EML2: variants seen among roughly 807,000 people sequenced by gnomAD.
EML2 encodes echinoderm microtubule-associated protein-like 2.
A neutral mutation model predicts 84.7 loss-of-function variants in EML2; 59 were observed. The ratio of observed to expected loss-of-function variants is 0.70; its 90% CI spans 0.56 to 0.86. EML2 has a LOEUF of 0.86. Among genes scored for constraint, EML2 ranks in the 40% least tolerant of loss-of-function variants. EML2 has a pLI of 0.00. For missense variants in EML2, 818 were observed against 855.6 expected, an observed-to-expected ratio of 0.96 and a Z score of 0.55; for synonymous variants, 352 against 348.9, an observed-to-expected ratio of 1.01 and a Z score of -0.10.
rs1483263409 is a variant in EML2, at chr19:45,621,260, G to A, written c.1069C>T (p.Arg357Cys). ...ACGGAGCCCTGCAGGATGGAATTGCGGGTGGTCCCCACGTACAGTGTGTCT... is the reference window on the plus strand; with the variant it reads ...ACGGAGCCCTGCAGGATGGAATTGCAGGTGGTCCCCACGTACAGTGTGTCT... The part of the protein sequence containing the change: ...HGDTLYVGTT[R>C]NSILQGSVHT... The change falls in exon 11 of 19, where the codon CGC becomes TGC. Residue 357 changes from arginine (R) to cysteine (C), a missense_variant. Coordinates refer to ENST00000245925, the MANE Select transcript of EML2 (RefSeq NM_012155.4). 12 of 1,613,890 alleles carry A rather than the reference G, an allele frequency of 7.4e-6. No homozygotes were observed. Among genetic ancestry groups the A allele is most frequent in the Non-Finnish European group, 5.9e-6 (7 of 1,179,998 alleles).
intron 9 of EML2, among the ~76,000 whole-genome samples, chr19:45,622,162 C>T (rs918455337): frequency 1.3e-5 from 2 of 152,162 alleles, no homozygotes; most frequent in Non-Finnish European, 2.9e-5. Flanking sequence ...CTAACATCTA[C>T]CCATCCACCC....
chr19:45,626,360 A>G (rs920506650), intron 8 of EML2, among the ~76,000 whole-genome samples: 12 of 135,324 alleles, frequency 8.9e-5, no homozygotes, highest in Non-Finnish European at 1.2e-4. Flanking sequence ...TGTACTCTTC[A>G]TCCCTTTGAA....
intron 3 of EML2, among the ~76,000 whole-genome samples, chr19:45,638,139 C>T (rs888858890): frequency 6.6e-6 from 1 of 152,200 alleles, no homozygotes; most frequent in African/African-American, 2.4e-5. Context: ...AGTACCTTTA[C>T]ACATTATTTC....
upstream of EML2, chr19:45,643,733 C>T: frequency 6.5e-7 from 1 of 1,526,946 alleles, no homozygotes; most frequent in Non-Finnish European, 8.8e-7. Flanking sequence ...GCAGTGCAGC[C>T]GCCGCTCCTC....
At chr19:45,639,176 G>A in intron 1 of EML2, 181 bp downstream of exon 1, 1 of 714,044 alleles carries the variant, frequency 1.4e-6, no homozygotes, top group Non-Finnish European at 2.2e-6. Flanking sequence ...GTGCTCCCCA[G>A]CGCCCCCCAC....
upstream of EML2, chr19:45,641,873 C>G (rs1018230486): frequency 6.8e-7 from 1 of 1,468,562 alleles, no homozygotes; most frequent in East Asian, 2.5e-5. Context: ...CTCTGTCTCC[C>G]ACGAGGTCTT....
At chr19:45,616,735 C>A in intron 14 of EML2, 30 bp downstream of exon 14, 1 of 1,598,574 alleles carries the variant, frequency 6.3e-7, no homozygotes, top group Admixed American at 1.7e-5. Context: ...CCTGGCCCTG[C>A]CGCTTGGGTG....
At chr19:45,620,870 C>A in intron 11 of EML2, 1 of 413,080 alleles carries the variant, frequency 2.4e-6, no homozygotes, top group South Asian at 1.9e-5. Flanking sequence ...GGACCTTCCC[C>A]AATCCGTGGA....
upstream of EML2, chr19:45,643,471 C>T: frequency 2.1e-6 from 3 of 1,447,968 alleles, no homozygotes; most frequent in East Asian, 5.0e-5. Flanking sequence ...ATGGGTGCAG[C>T]CAAAATGACT....
At chr19:45,634,537 A>G (rs1198005030) in intron 3 of EML2, 66 bp from the exon 4 acceptor site, 1 of 1,144,158 alleles carries the variant, frequency 8.7e-7, no homozygotes, top group South Asian at 3.4e-5. Context: ...TTTTGTTTTT[A>G]TTTATTTATT....
intron 7 of EML2, 108 bp from the exon 8 acceptor site, chr19:45,626,947 C>G: frequency 1.1e-6 from 1 of 951,662 alleles, no homozygotes; most frequent in Non-Finnish European, 1.4e-6. Context: ...GTATGCTGCA[C>G]ACCTGAACTT....
chr19:45,643,532 GA>G (rs1419672249), upstream of EML2: 10 of 1,535,318 alleles, frequency 6.5e-6, no homozygotes, highest in Non-Finnish European at 7.9e-6. Flanking sequence ...GGGAGGGGCG[GA>G]GACCGAAGTG....
In EML2 at chr19:45,634,249, G is replaced by T. The variant is rs561628261; in HGVS notation, c.329+73C>A. The T allele has an allele frequency of 2.3e-5, 36 of 1,592,414 alleles. No individual in the cohort carries two copies. The African/African-American group carries it at 4.0e-4, about 18-fold the overall frequency. On this transcript the variant is annotated intron_variant, in intron 4 of 18. Transcript: ENST00000245925. Reference sequence around the variant, plus strand: ...CCACAGGGTAGCAATGTGAAAAGAGGCATAGAGGGGCAGGGGCTGGAGCTC... The same window carrying T: ...CCACAGGGTAGCAATGTGAAAAGAGTCATAGAGGGGCAGGGGCTGGAGCTC...
chr19:45,619,043 G>T lies in EML2; in HGVS notation c.1254+17C>A, dbSNP rs1971401523. ...GTTCTGTTAGAATGGTGCTTTTCCA[G>T]TCCCCGGGCCCCTTACCTCGATGAT... On this transcript the variant is annotated intron_variant, in intron 12 of 18. Transcript: ENST00000245925. 1.1e-5 allele frequency: 17 copies of T among 1,589,758 alleles called. No homozygotes were observed. Among genetic ancestry groups the T allele is most frequent in the Non-Finnish European group, 1.4e-5 (16 of 1,164,046 alleles).
rs146103183 is a variant in EML2 at position 45,621,306 on chromosome 19, G to A, written c.1023C>T (p.Arg341=). The A allele has an allele frequency of 0.019, 30,394 of 1,610,688 alleles. 375 individuals carry two copies. Among genetic ancestry groups the A allele is most frequent in the Non-Finnish European group, 0.023 (26,800 of 1,177,784 alleles). ...TGTCTCCGTGGCCCTCTGCCACGGT[G>A]CGCACAGGGCCAAAGTCCTCAGGGA... ...VEVPEDFGPV[R]TVAEGHGDTL... is the part of the protein sequence containing the mutation. The change falls in exon 11 of 19, where the codon CGC becomes CGT. Residue 341 remains arginine, a synonymous_variant. Transcript: ENST00000245925.
At chr19:45,644,931 C>G, upstream of EML2, 1 of 440,408 alleles carries the variant, frequency 2.3e-6, no homozygotes, top group South Asian at 1.8e-5. Flanking sequence ...GATAGGGGAG[C>G]ATTCCAGAAG....
At chr19:45,642,306 C>G, upstream of EML2, 1 of 1,535,834 alleles carries the variant, frequency 6.5e-7, no homozygotes. Flanking sequence ...CCAGCGCCGA[C>G]ACGCGGTCGT....
intron 17 of EML2, among the ~76,000 whole-genome samples, chr19:45,614,226 G>A (rs995772282): frequency 1.3e-5 from 2 of 152,152 alleles, no homozygotes; most frequent in African/African-American, 2.4e-5. Flanking sequence ...ACTGTCTGGG[G>A]ACAAGTCTGC....
chr19:45,638,696 T>C (rs989348195), intron 2 of EML2, 62 bp from the exon 3 acceptor site: 16 of 1,590,302 alleles, frequency 1.0e-5, no homozygotes, highest in Non-Finnish European at 1.4e-5. Flanking sequence ...CCCTCTCCTC[T>C]TCCAGCTTTA....
Sources: gnomAD v4.1 joint callset for allele counts (sites outside exome capture counted in the v4.1 genomes callset) on GRCh38, gnomAD v4.1.1 for gene constraint, MANE v1.5 for transcripts, NCBI Gene and HGNC (gene_info 2026-07-23, HGNC 2026-07-21) for gene names.